The following GGT1 variants were observed in gnomAD, a reference collection of about 807,000 sequenced individuals.
GGT1 encodes gamma-glutamyltransferase 1, also known as glutathione hydrolase 1 proenzyme.
Under a neutral mutation model 56.0 loss-of-function variants are expected in GGT1, and 21 were observed. That is an observed-to-expected ratio of 0.38 (90% CI 0.27 to 0.54). GGT1 has a LOEUF of 0.54. Ranked by LOEUF, GGT1 falls within the 20% of genes least tolerant of loss-of-function variation. The probability of loss-of-function intolerance (pLI) is 0.82; values close to 1 mark genes in which losing one functional copy is unlikely to be tolerated. For synonymous variants in GGT1, 238 were observed against 342.6 expected (o/e 0.69, Z 3.37); for missense variants, 466 against 787.0 (o/e 0.59, Z 4.88).
chr22:24,611,555 T>TATC (rs1199482524), intron 5 of GGT1, among the ~76,000 whole-genome samples: 71 of 57,956 alleles, frequency 1.2e-3, no homozygotes, highest in African/African-American at 2.5e-3. Flanking sequence ...TCTATCTATC[T>TATC]ATCTATCTAT....
In GGT1 at chr22:24,628,883, TACTC is replaced by T. The variant is rs57112059; in HGVS notation, c.*47_*50del. 0.02 allele frequency: 31,529 copies of T among 1,593,364 alleles called. 4,961 individuals carry two copies. The African/African-American group carries it at 0.36, about 18-fold the overall frequency. Reference sequence around the variant, plus strand: ...GCTGACAAGCAATCCAGGGACAAGATACTCACCAGGACCAGGAAGGGGACTCTGG... The same window carrying T: ...GCTGACAAGCAATCCAGGGACAAGATACCAGGACCAGGAAGGGGACTCTGG... On this transcript the variant is annotated 3_prime_UTR_variant, in exon 16 of 16. Transcript: ENST00000400382. The surrounding 1 kb of genome is among the most constrained non-coding windows in gnomAD (Gnocchi z 5.7).
upstream of GGT1, among the ~76,000 whole-genome samples, chr22:24,591,531 C>T (rs1305352189): frequency 6.6e-6 from 1 of 152,178 alleles, no homozygotes; most frequent in Admixed American, 6.5e-5. Flanking sequence ...CAGGGGAGGC[C>T]GTGGGTCACA....
Position 24,611,141 on chromosome 22 carries a change from C to T in GGT1, c.60C>T (p.Val20=), listed in dbSNP as rs781669100. The T allele has an allele frequency of 1.6e-5, 26 of 1,600,338 alleles. No individual in the cohort carries two copies. The highest frequency in any genetic ancestry group is 1.5e-4 in the Admixed American group (9 of 58,806). ...CCGTGGTCCTGGTGCTGGTCATTGTCGGCCTCTGTCTCTGGCTGCCCTCAG... is the reference window on the plus strand; with the variant it reads ...CCGTGGTCCTGGTGCTGGTCATTGTTGGCCTCTGTCTCTGGCTGCCCTCAG... The part of the protein sequence containing the change: ...LLAVVLVLVI[V]GLCLWLPSAS... The change falls in exon 5 of 16, where the codon GTC becomes GTT. Residue 20 remains valine (V), a synonymous_variant. Transcript: ENST00000400382.
At chr22:24,612,621 G>T (rs1199424437) in intron 5 of GGT1, among the ~76,000 whole-genome samples, 1 of 152,008 alleles carries the variant, frequency 6.6e-6, no homozygotes, top group Non-Finnish European at 1.5e-5. Flanking sequence ...CCGTCTCCTG[G>T]ATTCAGGTGA....
the GGT1 span, among the ~76,000 whole-genome samples, chr22:24,584,338 G>A: frequency 6.6e-6 from 1 of 152,186 alleles, no homozygotes; most frequent in African/African-American, 2.4e-5. Flanking sequence ...GGAGCAGAGC[G>A]GGCCTGAACT....
At chr22:24,609,047 C>T (rs1198046059) in intron 2 of GGT1, 1 of 152,220 alleles carries the variant, frequency 6.6e-6, no homozygotes, top group Non-Finnish European at 1.5e-5. Flanking sequence ...GAATCGGTGT[C>T]TCTATCAGGA....
chr22:24,605,071 A>G (rs1460079599), intron 1 of GGT1, among the ~76,000 whole-genome samples: 1 of 73,404 alleles, frequency 1.4e-5, no homozygotes, highest in Non-Finnish European at 2.2e-5. Flanking sequence ...TATGTAATAT[A>G]TAATATATAA....
In GGT1 at chr22:24,620,950, G is replaced by T. The variant is rs1218346022; in HGVS notation, c.613G>T (p.Gly205Trp). 2 of 1,611,996 alleles carry T rather than the reference G, an allele frequency of 1.2e-6. No individual in the cohort carries two copies. Among genetic ancestry groups the T allele is most frequent in the Non-Finnish European group, 1.7e-6 (2 of 1,179,850 alleles). The change falls in exon 9 of 16, where the codon GGG becomes TGG. Residue 205 changes from glycine (G) to tryptophan (W), a missense_variant. Gly to Trp is a radical substitution (Grantham distance 184). Coordinates refer to ENST00000400382, the MANE Select transcript of GGT1 (RefSeq NM_001288833.2). The surrounding 1 kb of genome is among the most constrained non-coding windows in gnomAD (Gnocchi z 5.6). ...FCRDRKVLRE[G>W]ERLTLPQLAD... is the part of the protein sequence containing the mutation. ...CCGGGATAGAAAGGTGCTTCGGGAG[G>T]GGGAGAGACTGACCCTGCCGCAGCT...
upstream of GGT1, among the ~76,000 whole-genome samples, chr22:24,601,196 C>T (rs929645392): frequency 1.3e-5 from 2 of 152,180 alleles, no homozygotes; most frequent in Admixed American, 1.3e-4. Context: ...CCAGGCACCG[C>T]TTGCATCTGG....
At chr22:24,619,936 G>A (rs4049859) in intron 7 of GGT1, among the ~76,000 whole-genome samples, 23 of 149,798 alleles carry the variant, frequency 1.5e-4, no homozygotes, top group African/African-American at 5.2e-4. Context: ...CCCCTGCTGT[G>A]CCCTCCTCAG....
At chr22:24,618,156 G>C (rs937596580) in intron 7 of GGT1, among the ~76,000 whole-genome samples, 1 of 152,144 alleles carries the variant, frequency 6.6e-6, no homozygotes, top group Non-Finnish European at 1.5e-5. Flanking sequence ...AATGATCAAG[G>C]CAGGGTATTT....
chr22:24,589,768 GCC>G, the GGT1 span: 411,744 of 1,544,142 alleles, frequency 0.27, 59,577 homozygotes, highest in African/African-American at 0.56. Context: ...GGCTCTGTTG[GCC>G]CCCCTGTCCA....
In GGT1 at chr22:24,628,294, G is replaced by A; in HGVS notation, c.1469G>A (p.Trp490Ter). The change falls in exon 15 of 16, where the codon TGG (tryptophan) becomes TAG (stop). Residue 490 changes from tryptophan to a stop codon, truncating the protein, a stop_gained. Transcript: ENST00000400382. LOFTEE classifies it high-confidence loss of function. This position sits in a 1 kb window ranked among gnomAD's most constrained non-coding sequence, Gnocchi z 5.7. ...ATALAIIYNL[W>*]FGYDVKRAVE... ...CCCCAGGCCATCATCTACAACCTCT[G>A]GTTCGGCTATGACGTGAAGCGGGCC... The A allele has an allele frequency of 6.2e-7, 1 of 1,611,910 alleles. No homozygotes were observed. The highest frequency in any genetic ancestry group is 1.3e-5 in the African/African-American group (1 of 74,904).
rs77042539 is a variant in GGT1, at chr22:24,596,156, G to A, written c.-324+1270G>A. Among the ~76,000 whole-genome samples the A allele has an allele frequency of 4.3e-3, 658 of 152,300 alleles. 3 individuals carry two copies. The highest frequency in any genetic ancestry group is 5.3e-3 in the Non-Finnish European group (360 of 68,024). ...GCGAGATCACAGGTATAGGCTCAGG[G>A]CCTGGATTCAAATCCCCTGGGCTGC... is the stretch of plus-strand genomic sequence containing the variant. On this transcript the variant is annotated intron_variant, in intron 1 of 6. Coordinates refer to the GGT1 transcript ENST00000411974.
chr22:24,602,415 C>T (rs1160404541), upstream of GGT1, among the ~76,000 whole-genome samples: 1 of 152,226 alleles, frequency 6.6e-6, no homozygotes, highest in South Asian at 2.1e-4. Flanking sequence ...AAAGAAGGAA[C>T]GTAAGCGTGA....
chr22:24,586,683 C>T, the GGT1 span, among the ~76,000 whole-genome samples: 101 of 152,374 alleles, frequency 6.6e-4, no homozygotes, highest in African/African-American at 2.3e-3. Context: ...AGGCATGTGC[C>T]ACCACGCCTG....
intron 10 of GGT1, among the ~76,000 whole-genome samples, chr22:24,623,486 G>A (rs1434329872): frequency 6.6e-6 from 1 of 151,020 alleles, no homozygotes; most frequent in Non-Finnish European, 1.5e-5. Context: ...GGAGTCATCA[G>A]GAGGGAGAGA....
At chr22:24,602,825 G>A (rs1213384521), upstream of GGT1, among the ~76,000 whole-genome samples, 1 of 152,132 alleles carries the variant, frequency 6.6e-6, no homozygotes, top group African/African-American at 2.4e-5. Context: ...CAGACCTTGT[G>A]GGGCCTCAGA....
intron 7 of GGT1, among the ~76,000 whole-genome samples, chr22:24,619,373 G>T (rs943432856): frequency 4.0e-5 from 6 of 149,298 alleles, no homozygotes; most frequent in African/African-American, 1.5e-4. Context: ...ACTCCAGCCT[G>T]GGCAACAAGA....
Sources: allele counts gnomAD v4.1 joint callset (sites outside exome capture counted in the v4.1 genomes callset), GRCh38; gene constraint gnomAD v4.1.1; non-coding constraint Gnocchi (gnomAD v3.1); transcripts MANE v1.5; gene names NCBI Gene and HGNC (gene_info 2026-07-23, HGNC 2026-07-21).